The following ZFAT variants were observed in gnomAD, a reference collection of about 807,000 sequenced individuals.
ZFAT encodes zinc finger protein ZFAT.
Under a neutral mutation model 117.7 loss-of-function variants are expected in ZFAT, and 64 were observed. The ratio of observed to expected loss-of-function variants is 0.54; its 90% CI spans 0.44 to 0.67. The LOEUF (loss-of-function observed/expected upper bound fraction) is 0.67. ZFAT is among the 30% of genes least tolerant of loss of function. The probability of loss-of-function intolerance (pLI) is 0.00; values close to 1 mark genes in which losing one functional copy is unlikely to be tolerated. For missense variants in ZFAT, 1,433 were observed against 1,584.5 expected, an observed-to-expected ratio of 0.90 and a Z score of 1.62; for synonymous variants, 679 against 615.0, an observed-to-expected ratio of 1.10 and a Z score of -1.54.
At chr8:134,636,313 C>A (rs1830208849) in intron 3 of ZFAT, among the ~76,000 whole-genome samples, 1 of 152,134 alleles carries the variant, frequency 6.6e-6, no homozygotes, top group South Asian at 2.1e-4. Context: ...GTCTAAACGC[C>A]CTTATCCAGG....
chr8:134,633,372 T>A (rs748790400), intron 3 of ZFAT, among the ~76,000 whole-genome samples: 6 of 152,248 alleles, frequency 3.9e-5, no homozygotes, highest in South Asian at 4.1e-4. Flanking sequence ...ATTTCATTAT[T>A]AGTCATTTAA....
intron 3 of ZFAT, among the ~76,000 whole-genome samples, chr8:134,622,376 C>T (rs1300989322): frequency 6.6e-6 from 1 of 152,158 alleles, no homozygotes; most frequent in Non-Finnish European, 1.5e-5. Flanking sequence ...GTGATGACAT[C>T]GCACAACGTG....
chr8:134,704,279 A>G (rs752010002), intron 1 of ZFAT, among the ~76,000 whole-genome samples: 1 of 152,166 alleles, frequency 6.6e-6, no homozygotes, highest in African/African-American at 2.4e-5. Context: ...AATTCAAAAG[A>G]TGCTTCTCTC....
the ZFAT span, chr8:134,795,202 G>A: frequency 6.6e-6 from 1 of 152,214 alleles, no homozygotes; most frequent in Non-Finnish European, 1.5e-5. Context: ...CGAAATGAAT[G>A]TTGCTGGGGA....
intron 3 of ZFAT, among the ~76,000 whole-genome samples, chr8:134,627,801 C>A (rs1401211141): frequency 6.6e-6 from 1 of 152,220 alleles, no homozygotes; most frequent in Non-Finnish European, 1.5e-5. Context: ...GGAAGTGATA[C>A]ACCCACACAG....
rs114272790 is a variant in ZFAT, at chr8:134,562,972, C to T, written c.2976+2361G>A. On this transcript the variant is annotated intron_variant, in intron 11 of 15. Transcript: ENST00000377838. The stretch of plus-strand genomic sequence containing the variant: ...ATGATTGAAAAGTCTAGTAGCAATG[C>T]TGCAAAAGCCAGGAAAATAATTAAC... Among the ~76,000 whole-genome samples the T allele has an allele frequency of 7.9e-3, 1,206 of 152,308 alleles. 16 individuals are homozygous for T. The highest frequency in any genetic ancestry group is 0.027 in the African/African-American group (1,128 of 41,550).
intron 15 of ZFAT, among the ~76,000 whole-genome samples, chr8:134,494,907 T>C (rs1300983237): frequency 3.3e-5 from 5 of 152,200 alleles, no homozygotes; most frequent in Non-Finnish European, 5.9e-5. Flanking sequence ...CATGACAGTC[T>C]CCGATCTTAT....
intron 11 of ZFAT, among the ~76,000 whole-genome samples, chr8:134,543,794 T>C (rs766918573): frequency 2.6e-5 from 4 of 152,168 alleles, no homozygotes; most frequent in Non-Finnish European, 5.9e-5. Flanking sequence ...GCTGACCCAT[T>C]CATTCCAAGC....
rs71274891 is a variant in ZFAT at position 134,712,623 on chromosome 8, C to CTTTT, written c.19+218_19+221dup. 5.8e-5 allele frequency among the ~76,000 whole-genome samples: 8 copies of CTTTT among 138,376 alleles called. 2 individuals are homozygous for CTTTT. The highest frequency in any genetic ancestry group is 9.2e-5 in the Non-Finnish European group (6 of 65,130). 90.8% of individuals were successfully genotyped at this position (138,376 alleles called of 152,430 possible). A position where few individuals can be genotyped will look rare whatever the true frequency, so the allele number is the denominator to read the frequency against. ...TGCTCTCCCACTCGCTCCCGCCTTG[C>CTTTT]TTTTTTTTTTTTTTTGCGGCGGGAT... On this transcript the variant is annotated intron_variant, in intron 1 of 15. Coordinates refer to ENST00000377838, the MANE Select transcript of ZFAT (RefSeq NM_020863.4).
the ZFAT span, among the ~76,000 whole-genome samples, chr8:134,769,725 C>T: frequency 6.6e-6 from 1 of 152,224 alleles, no homozygotes; most frequent in Non-Finnish European, 1.5e-5. Flanking sequence ...CAGAAGTTCT[C>T]CATGAGCCAC....
intron 3 of ZFAT, among the ~76,000 whole-genome samples, chr8:134,622,862 G>C (rs552072720): frequency 2.0e-5 from 3 of 152,002 alleles, no homozygotes; most frequent in African/African-American, 4.8e-5. Flanking sequence ...TCTCTCCCTC[G>C]GTGTTCTGGT....
the ZFAT span, among the ~76,000 whole-genome samples, chr8:134,814,284 T>G: frequency 6.6e-6 from 1 of 152,206 alleles, no homozygotes; most frequent in Non-Finnish European, 1.5e-5. Context: ...GAGCCAAAAT[T>G]AACAAAATGA....
the ZFAT span, among the ~76,000 whole-genome samples, chr8:134,724,477 A>G: frequency 6.6e-6 from 1 of 152,164 alleles, no homozygotes; most frequent in South Asian, 2.1e-4. Flanking sequence ...TACTGCCAAG[A>G]GTATGGGGAC....
chr8:134,592,739 G>T (rs904736889), intron 7 of ZFAT, among the ~76,000 whole-genome samples: 3 of 152,108 alleles, frequency 2.0e-5, no homozygotes, highest in African/African-American at 7.2e-5. Flanking sequence ...TATTCCCTGG[G>T]AGTCTCCGAG....
chr8:134,808,084 TGAAGAA>T, the ZFAT span, among the ~76,000 whole-genome samples: 2 of 152,218 alleles, frequency 1.3e-5, no homozygotes, highest in African/African-American at 4.8e-5. Context: ...ATTTTACAGA[TGAAGAA>T]GAAGGTACAG....
intron 15 of ZFAT, among the ~76,000 whole-genome samples, chr8:134,486,266 G>A (rs77684455): frequency 1.3e-5 from 2 of 152,156 alleles, no homozygotes; most frequent in South Asian, 2.1e-4. Context: ...TGTGCCCTCC[G>A]TCAGGCACTG....
the ZFAT span, among the ~76,000 whole-genome samples, chr8:134,762,820 T>C: frequency 3.3e-5 from 5 of 152,206 alleles, no homozygotes; most frequent in African/African-American, 1.2e-4. Context: ...CCCATACCTC[T>C]CTACCCTTGA....
the ZFAT span, among the ~76,000 whole-genome samples, chr8:134,802,848 A>T: frequency 8.5e-5 from 13 of 152,350 alleles, no homozygotes; most frequent in Admixed American, 7.2e-4. Context: ...AATACTGATG[A>T]TCTAACATTT....
At chr8:134,780,958 G>C in the ZFAT span, among the ~76,000 whole-genome samples, 1 of 152,104 alleles carries the variant, frequency 6.6e-6, no homozygotes, top group African/African-American at 2.4e-5. Flanking sequence ...ATCACAGTCA[G>C]GGTACTAGTA....
Sources: gnomAD v4.1 joint callset for allele counts (sites outside exome capture counted in the v4.1 genomes callset) on GRCh38, gnomAD v4.1.1 for gene constraint, MANE v1.5 for transcripts, NCBI Gene and HGNC (gene_info 2026-07-23, HGNC 2026-07-21) for gene names.